The following ROPN1L variants were observed in gnomAD, a reference collection of about 807,000 sequenced individuals.
ROPN1L encodes the protein ropporin-1-like protein.
In ROPN1L, 23 loss-of-function variants were observed where a neutral mutation model predicts 22.7. That is an observed-to-expected ratio of 1.01 (90% confidence interval 0.73 to 1.43). The LOEUF (loss-of-function observed/expected upper bound fraction) is 1.43, where lower values mean the gene tolerates loss of function less well. ROPN1L is among the 40% of genes most tolerant of loss of function. The pLI is 0.00. For missense variants in ROPN1L, 271 were observed against 291.5 expected (o/e 0.93, Z 0.51); for synonymous variants, 116 against 117.8 (o/e 0.98, Z 0.10).
At chr5:10,466,974 T>C (rs2126476897), downstream of ROPN1L, among the ~76,000 whole-genome samples, 1 of 152,296 alleles carries the variant, frequency 6.6e-6, no homozygotes, top group African/African-American at 2.4e-5. Context: ...TGTCCTCGTT[T>C]CCTCTTCTTA....
downstream of ROPN1L, among the ~76,000 whole-genome samples, chr5:10,465,214 G>A (rs964445368): frequency 1.3e-5 from 2 of 152,220 alleles, no homozygotes; most frequent in African/African-American, 4.8e-5. Flanking sequence ...GGGCTGGGCA[G>A]TTTGAAAAGT....
At chr5:10,467,965 G>A (rs1370656508), downstream of ROPN1L, among the ~76,000 whole-genome samples, 3 of 152,208 alleles carry the variant, frequency 2.0e-5, no homozygotes, top group East Asian at 1.9e-4. Context: ...CCCAGGTCCC[G>A]TCCCCTGAGT....
At chr5:10,473,649 C>G (rs546939452), downstream of ROPN1L, among the ~76,000 whole-genome samples, 6 of 152,278 alleles carry the variant, frequency 3.9e-5, no homozygotes, top group African/African-American at 1.2e-4. Flanking sequence ...TCTTGCAAAC[C>G]AAGTCCAAAG....
chr5:10,472,686 T>A (rs575644304), downstream of ROPN1L, among the ~76,000 whole-genome samples: 31 of 152,294 alleles, frequency 2.0e-4, no homozygotes, highest in Non-Finnish European at 3.5e-4. Flanking sequence ...GGAGAGTGGA[T>A]TATACAGGGC....
chr5:10,473,261 C>T (rs968553079), downstream of ROPN1L, among the ~76,000 whole-genome samples: 18 of 152,226 alleles, frequency 1.2e-4, no homozygotes, highest in Middle Eastern at 3.4e-3. Flanking sequence ...TTGTAGATGT[C>T]GTTAATTTAA....
At chr5:10,463,001 A>T (rs1229826536) in intron 4 of ROPN1L, among the ~76,000 whole-genome samples, 2 of 152,234 alleles carry the variant, frequency 1.3e-5, no homozygotes, top group African/African-American at 4.8e-5. Flanking sequence ...GGACCTCCTG[A>T]CAGTAGTGCC....
intron 3 of ROPN1L, among the ~76,000 whole-genome samples, chr5:10,456,413 A>C (rs1421693589): frequency 2.0e-5 from 3 of 152,210 alleles, no homozygotes; most frequent in Non-Finnish European, 4.4e-5. Flanking sequence ...GCTTGAACCC[A>C]GGAGGCGGAG....
intron 4 of ROPN1L, among the ~76,000 whole-genome samples, chr5:10,462,603 T>C (rs188849215): frequency 6.6e-6 from 1 of 152,138 alleles, no homozygotes; most frequent in African/African-American, 2.4e-5. Context: ...TGTTAAAAAG[T>C]GAGATAGAGG....
chr5:10,468,793 A>G (rs1390416542), downstream of ROPN1L, among the ~76,000 whole-genome samples: 3 of 152,186 alleles, frequency 2.0e-5, no homozygotes, highest in African/African-American at 7.2e-5. Context: ...TATCACGTGG[A>G]GAGGAGGCCA....
At chr5:10,468,406 A>G (rs1441878889), downstream of ROPN1L, among the ~76,000 whole-genome samples, 1 of 152,232 alleles carries the variant, frequency 6.6e-6, no homozygotes, top group African/African-American at 2.4e-5. Context: ...GCTTCCTCTC[A>G]TCAAGGAAAA....
At chr5:10,457,547 G>A (rs1187627110) in intron 3 of ROPN1L, among the ~76,000 whole-genome samples, 1 of 152,238 alleles carries the variant, frequency 6.6e-6, no homozygotes, top group East Asian at 1.9e-4. Context: ...TGGCCAAGGT[G>A]TCTGTCTGCT....
chr5:10,476,937 T>C (rs1270159867), downstream of ROPN1L, among the ~76,000 whole-genome samples: 1 of 152,238 alleles, frequency 6.6e-6, no homozygotes, highest in Non-Finnish European at 1.5e-5. Context: ...CTCGAGTCTA[T>C]CAGAGACCTG....
Position 10,442,046 on chromosome 5 carries a change from G to A in ROPN1L, c.-122G>A, listed in dbSNP as rs1740895347. 2.5e-5 allele frequency: 35 copies of A among 1,374,294 alleles called. No homozygotes were observed. In the South Asian group the frequency reaches 4.7e-4, roughly 18 times the overall value. The allele number at this position is 1,374,294 out of a possible 1,614,324, so 85.1% of individuals were successfully genotyped here. A position where few individuals can be genotyped will look rare whatever the true frequency, so the allele number is the denominator to read the frequency against. ...CCGGCCCCAACCTCGGGAACGGGATGGGAGGCGGCCCTGGCCGCAAGCCCC... is the reference window on the plus strand; with the variant it reads ...CCGGCCCCAACCTCGGGAACGGGATAGGAGGCGGCCCTGGCCGCAAGCCCC... On this transcript the variant is annotated 5_prime_UTR_variant, in exon 1 of 5. It removes an upstream start codon present in the reference 5' UTR. Transcript: ENST00000274134.
downstream of ROPN1L, among the ~76,000 whole-genome samples, chr5:10,465,630 A>T (rs1429021964): frequency 2.6e-5 from 4 of 151,706 alleles, no homozygotes; most frequent in Admixed American, 2.6e-4. Flanking sequence ...TGGGAGGATC[A>T]CTTGAGTCAG....
Position 10,442,083 on chromosome 5 carries a change from G to A in ROPN1L, c.-85G>A. The A allele has an allele frequency of 6.5e-7, 1 of 1,542,966 alleles. No individual in the cohort carries two copies. Among genetic ancestry groups the A allele is most frequent in the Non-Finnish European group, 8.8e-7 (1 of 1,134,236 alleles). ...TGGCCGCAAGCCCCGCGCTGCTAGC[G>A]GGTCCACCGCGTCGTAGCCGACAGC... On this transcript the variant is annotated 5_prime_UTR_variant, in exon 1 of 5. Coordinates refer to ENST00000274134, the MANE Select transcript of ROPN1L (RefSeq NM_031916.5).
At chr5:10,478,399 C>T in the ROPN1L span, among the ~76,000 whole-genome samples, 1 of 152,212 alleles carries the variant, frequency 6.6e-6, no homozygotes, top group African/African-American at 2.4e-5. Flanking sequence ...CTCTCACAGT[C>T]CTGGAGGCTA....
Position 10,465,015 on chromosome 5 carries a change from C to A in ROPN1L, c.*68C>A. ...AAATTCTGGCACCAAATACAACTTA[C>A]CCTGAATCACACACCTCTGTAGTGT... On this transcript the variant is annotated 3_prime_UTR_variant, in exon 5 of 5. Transcript: ENST00000274134. The A allele has an allele frequency of 1.1e-6, 1 of 878,246 alleles. No homozygotes were observed. Among genetic ancestry groups the A allele is most frequent in the Non-Finnish European group, 1.8e-6 (1 of 553,002 alleles). 54.4% of individuals were successfully genotyped at this position (878,246 alleles called of 1,614,324 possible).
chr5:10,476,243 A>C (rs1161546910), downstream of ROPN1L, among the ~76,000 whole-genome samples: 1 of 152,236 alleles, frequency 6.6e-6, no homozygotes, highest in Non-Finnish European at 1.5e-5. Flanking sequence ...CTCCTGTTCC[A>C]GCTCTGCCAG....
At chr5:10,449,372 A>C (rs2126437269) in intron 2 of ROPN1L, among the ~76,000 whole-genome samples, 2 of 152,202 alleles carry the variant, frequency 1.3e-5, no homozygotes, top group East Asian at 3.9e-4. Context: ...TACAAAACTT[A>C]ACAGGGCGTG....
Sources: allele counts gnomAD v4.1 joint callset (sites outside exome capture counted in the v4.1 genomes callset), GRCh38; gene constraint gnomAD v4.1.1; transcripts MANE v1.5; gene names NCBI Gene and HGNC (gene_info 2026-07-23, HGNC 2026-07-21).